The following RYR2 variants were observed in gnomAD, a reference collection of about 807,000 sequenced individuals.
RYR2 encodes ryanodine receptor 2, also known as cardiac muscle ryanodine receptor-calcium release channel.
RYR2 carries 227 observed loss-of-function variants against 601.1 expected under a neutral mutation model. That is an observed-to-expected ratio of 0.38 (90% confidence interval 0.34 to 0.42). The LOEUF (loss-of-function observed/expected upper bound fraction) is 0.42, where lower values mean the gene tolerates loss of function less well. RYR2 is among the 10% of genes least tolerant of loss of function. The probability of loss-of-function intolerance (pLI) is 1.00; values close to 1 mark genes in which losing one functional copy is unlikely to be tolerated. For missense variants in RYR2, 4,646 were observed against 6,156.5 expected (o/e 0.75, Z 8.21); for synonymous variants, 2,223 against 2,175.1 (o/e 1.02, Z -0.61).
chr1:237,180,881 ATATAAT>A lies in RYR2; in HGVS notation c.49-89610_49-89605del, dbSNP rs1419830678. 6.7e-6 allele frequency among the ~76,000 whole-genome samples: 1 copy of A among 148,528 alleles called. No homozygotes were observed. Among genetic ancestry groups the A allele is most frequent in the African/African-American group, 2.4e-5 (1 of 40,856 alleles). ...TTATACTAATTAAATATATTTGATTATATAATTATAACAATAAATATATAACTAATA... is the reference window on the plus strand; with the variant it reads ...TTATACTAATTAAATATATTTGATTATATAACAATAAATATATAACTAATA... On this transcript the variant is annotated intron_variant, in intron 1 of 104. Coordinates refer to ENST00000366574, the MANE Select transcript of RYR2 (RefSeq NM_001035.3). This position sits in a 1 kb window ranked among gnomAD's most constrained non-coding sequence, Gnocchi z 5.3.
intron 63 of RYR2, among the ~76,000 whole-genome samples, chr1:237,688,783 T>C (rs876793): frequency 0.25 from 37,693 of 152,136 alleles, 5,812 homozygotes; most frequent in Non-Finnish European, 0.35. Context: ...TCCATTTGTC[T>C]TCAGCAAGTG....
intron 8 of RYR2, among the ~76,000 whole-genome samples, chr1:237,386,379 G>A (rs530403793): frequency 6.6e-6 from 1 of 152,290 alleles, no homozygotes; most frequent in African/African-American, 2.4e-5. Context: ...TACTTTAGGC[G>A]TGACTGATCA....
intron 1 of RYR2, among the ~76,000 whole-genome samples, chr1:237,170,151 G>C (rs1410261468): frequency 1.3e-5 from 2 of 152,244 alleles, no homozygotes; most frequent in African/African-American, 4.8e-5. Context: ...GTAATAGGAA[G>C]AGAGCAACAT....
chr1:237,144,361 C>G (rs1673739573), intron 1 of RYR2, among the ~76,000 whole-genome samples: 1 of 152,130 alleles, frequency 6.6e-6, no homozygotes, highest in Non-Finnish European at 1.5e-5. Context: ...GGTGTTAACT[C>G]ATTCCTATCT....
Position 237,788,277 on chromosome 1 carries a change from AGT to A in RYR2, c.13476+147_13476+148del, listed in dbSNP as rs1348046762. 4 of 629,700 alleles carry A rather than the reference AGT, an allele frequency of 6.4e-6. No homozygotes were observed. The Admixed American group carries it at 1.2e-4, about 20-fold the overall frequency. 39.0% of individuals were successfully genotyped at this position (629,700 alleles called of 1,614,324 possible). A position where few individuals can be genotyped will look rare whatever the true frequency, so the allele number is the denominator to read the frequency against. On this transcript the variant is annotated intron_variant, in intron 92 of 104. Transcript: ENST00000366574. ...AGCACATGTTTGATTTGCTCATTGT[AGT>A]GTGTTTATCTTTTATAGTGAATGTC...
intron 17 of RYR2, among the ~76,000 whole-genome samples, chr1:237,478,668 A>G (rs978016651): frequency 2.0e-5 from 3 of 152,170 alleles, no homozygotes; most frequent in Admixed American, 6.5e-5. Context: ...CTTAATCTAC[A>G]CAATAACTTT....
At chr1:237,815,600 A>G (rs1223670108) in intron 100 of RYR2, among the ~76,000 whole-genome samples, 1 of 152,190 alleles carries the variant, frequency 6.6e-6, no homozygotes, top group Non-Finnish European at 1.5e-5. Flanking sequence ...CTTCATCACA[A>G]TGCATAAAGC....
chr1:237,631,864 G>T (rs12028840), intron 42 of RYR2, among the ~76,000 whole-genome samples: 1 of 70,812 alleles, frequency 1.4e-5, no homozygotes, highest in Non-Finnish European at 2.8e-5. Flanking sequence ...TCCTGACCTC[G>T]TGATCCGCCC....
intron 1 of RYR2, among the ~76,000 whole-genome samples, chr1:237,148,551 T>TATATATATAC (rs1558320209): frequency 7.9e-6 from 1 of 126,482 alleles, no homozygotes; most frequent in African/African-American, 3.5e-5. Context: ...TATATATATA[T>TATATATATAC]ATACACACAC....
At chr1:237,131,905 A>G (rs574799550) in intron 1 of RYR2, among the ~76,000 whole-genome samples, 2 of 152,018 alleles carry the variant, frequency 1.3e-5, no homozygotes, top group Non-Finnish European at 2.9e-5. Context: ...AAAAATGTGT[A>G]TGTAGGTGGG....
intron 1 of RYR2, among the ~76,000 whole-genome samples, chr1:237,130,504 G>C (rs1407803660): frequency 6.6e-6 from 1 of 152,078 alleles, no homozygotes; most frequent in Non-Finnish European, 1.5e-5. Flanking sequence ...ATGAGGTCAG[G>C]AGTTCGAGAC....
At chr1:237,168,784 T>C (rs1677008591) in intron 1 of RYR2, among the ~76,000 whole-genome samples, 1 of 152,230 alleles carries the variant, frequency 6.6e-6, no homozygotes, top group South Asian at 2.1e-4. Flanking sequence ...CTCTACATTG[T>C]CTGTAGACTT....
At chr1:237,137,920 A>C (rs965483049) in intron 1 of RYR2, among the ~76,000 whole-genome samples, 1 of 152,212 alleles carries the variant, frequency 6.6e-6, no homozygotes, top group Non-Finnish European at 1.5e-5. Context: ...GACTCTCAAC[A>C]TGCTTACCCC....
intron 44 of RYR2, among the ~76,000 whole-genome samples, chr1:237,636,567 T>G (rs1680895067): frequency 6.6e-6 from 1 of 152,230 alleles, no homozygotes; most frequent in South Asian, 2.1e-4. Flanking sequence ...TCTCTTCTAC[T>G]TCTGTTGTGA....
intron 100 of RYR2, among the ~76,000 whole-genome samples, chr1:237,817,145 C>A (rs1397022988): frequency 6.6e-6 from 1 of 152,082 alleles, no homozygotes; most frequent in Non-Finnish European, 1.5e-5. Context: ...ACCATACGAC[C>A]CTGAATGTGC....
intron 98 of RYR2, among the ~76,000 whole-genome samples, chr1:237,805,441 C>T (rs1660511323): frequency 6.6e-6 from 1 of 151,716 alleles, no homozygotes. Flanking sequence ...ATTAGCCGGG[C>T]GTGGTGGCGG....
intron 10 of RYR2, among the ~76,000 whole-genome samples, chr1:237,394,159 A>C (rs1310176319): frequency 6.6e-6 from 1 of 152,226 alleles, no homozygotes; most frequent in Non-Finnish European, 1.5e-5. Context: ...GAAAAAAAGA[A>C]AGAGAAGCAT....
chr1:237,053,857 A>G (rs1661600950), intron 1 of RYR2, among the ~76,000 whole-genome samples: 1 of 152,228 alleles, frequency 6.6e-6, no homozygotes, highest in Admixed American at 6.5e-5. Flanking sequence ...TGGAGGAGGC[A>G]GCATTTCCAG....
At chr1:237,506,444 A>G (rs1438475490) in intron 22 of RYR2, among the ~76,000 whole-genome samples, 1 of 152,028 alleles carries the variant, frequency 6.6e-6, no homozygotes, top group Non-Finnish European at 1.5e-5. Context: ...AGGCTGAGGC[A>G]GGAGAATGGT....
Sources: gnomAD v4.1 joint callset for allele counts (sites outside exome capture counted in the v4.1 genomes callset) on GRCh38, gnomAD v4.1.1 for gene constraint, Gnocchi (gnomAD v3.1) non-coding constraint, MANE v1.5 for transcripts, NCBI Gene and HGNC (gene_info 2026-07-23, HGNC 2026-07-21) for gene names.